The following TRPM3 variants were observed in gnomAD, a reference collection of about 807,000 sequenced individuals.
The protein encoded by TRPM3 is transient receptor potential cation channel subfamily M member 3, also known as long transient receptor potential channel 3.
A neutral mutation model predicts 181.2 loss-of-function variants in TRPM3; 77 were observed. That is an observed-to-expected ratio of 0.42 (90% CI 0.35 to 0.51). The LOEUF is 0.51. Among genes scored for constraint, TRPM3 ranks in the 20% least tolerant of loss-of-function variants. The probability of loss-of-function intolerance (pLI) is 0.01; values close to 1 mark genes in which losing one functional copy is unlikely to be tolerated. For synonymous variants in TRPM3, 745 were observed against 796.4 expected (o/e 0.94, Z 1.09); for missense variants, 1,759 against 2,196.7 (o/e 0.80, Z 3.98).
At position 70,533,342 on chromosome 9, in the gene TRPM3, C is replaced by T. The variant is rs190088479; in HGVS notation, c.*2611G>A. The T allele has an allele frequency of 2.0e-5, 3 of 152,278 alleles. No homozygotes were observed. The East Asian group carries it at 5.8e-4, about 29-fold the overall frequency. The allele number at this position is 152,278 out of a possible 1,614,324, so 9.4% of individuals were successfully genotyped here. On this transcript the variant is annotated 3_prime_UTR_variant, in exon 26 of 26. Coordinates refer to ENST00000677713, the MANE Select transcript of TRPM3 (RefSeq NM_001366145.2). ...TGTGCTTGATACTTAAAATCATCAA[C>T]ATGTTAGGATGTAAGTGCATTAAAT... is the stretch of plus-strand genomic sequence containing the variant.
chr9:71,299,455 GAAAA>G (rs201894251), intron 1 of TRPM3, among the ~76,000 whole-genome samples: 8 of 139,834 alleles, frequency 5.7e-5, no homozygotes, highest in African/African-American at 2.1e-4. Context: ...AAAGGAAAAA[GAAAA>G]AATAGGAAGT....
chr9:71,152,279 G>T (rs1462077277), intron 1 of TRPM3, among the ~76,000 whole-genome samples: 3 of 152,088 alleles, frequency 2.0e-5, no homozygotes, highest in Middle Eastern at 3.4e-3. Context: ...CACTTGAGAG[G>T]GTGTATGTTA....
chr9:70,905,708 C>T (rs1206916021), intron 1 of TRPM3, among the ~76,000 whole-genome samples: 3 of 151,994 alleles, frequency 2.0e-5, no homozygotes, highest in African/African-American at 7.2e-5. Flanking sequence ...TTATTATCCT[C>T]TGTCTGGGAT....
At chr9:71,221,500 A>T (rs1166956869) in intron 1 of TRPM3, among the ~76,000 whole-genome samples, 1 of 152,176 alleles carries the variant, frequency 6.6e-6, no homozygotes, top group African/African-American at 2.4e-5. Flanking sequence ...TAAAAAAAAT[A>T]ATTCTTTTTA....
At chr9:70,976,034 A>G (rs1418130643) in intron 1 of TRPM3, among the ~76,000 whole-genome samples, 14 of 152,080 alleles carry the variant, frequency 9.2e-5, no homozygotes, top group Non-Finnish European at 1.5e-5. Flanking sequence ...GAGAGAATTC[A>G]TGGGTAATCT....
intron 11 of TRPM3, 96 bp from the exon 12 acceptor site, chr9:70,635,357 A>AGG: frequency 1.0e-6 from 1 of 991,682 alleles, no homozygotes; most frequent in Non-Finnish European, 1.6e-6. Flanking sequence ...TGGCTGGTGG[A>AGG]GGGCAGTTCA....
chr9:70,930,440 TATC>T (rs2096764843), intron 1 of TRPM3, among the ~76,000 whole-genome samples: 1 of 152,182 alleles, frequency 6.6e-6, no homozygotes, highest in South Asian at 2.1e-4. Context: ...CACCTTTCAT[TATC>T]TTTTTCTTAC....
intron 14 of TRPM3, among the ~76,000 whole-genome samples, chr9:70,624,942 T>C (rs1589457211): frequency 6.6e-6 from 1 of 152,162 alleles, no homozygotes; most frequent in African/African-American, 2.4e-5. Context: ...AGAATTCCCA[T>C]AGATAAAAGC....
At chr9:70,744,464 C>A (rs1206529895) in intron 8 of TRPM3, among the ~76,000 whole-genome samples, 2 of 152,142 alleles carry the variant, frequency 1.3e-5, no homozygotes, top group Admixed American at 1.3e-4. Context: ...CATTGTTATG[C>A]AGCTCAAATG....
intron 6 of TRPM3, among the ~76,000 whole-genome samples, chr9:70,802,785 T>C (rs998698854): frequency 5.3e-5 from 8 of 152,182 alleles, no homozygotes; most frequent in Non-Finnish European, 1.2e-4. Context: ...GGGATTTCAC[T>C]GCACTAGTAA....
intron 6 of TRPM3, among the ~76,000 whole-genome samples, chr9:70,794,174 A>AG (rs151096342): frequency 0.082 from 12,403 of 151,986 alleles, 588 homozygotes; most frequent in East Asian, 0.11. Flanking sequence ...TAGTGTCAGG[A>AG]GGGGCTTCCT....
In TRPM3 at chr9:71,121,298, G is replaced by T. The variant is rs1314114272; in HGVS notation, c.57C>A (p.Phe19Leu). ...YFLGIAQVFS[F>L]LFSWWNLEGV... is the part of the protein sequence containing the mutation. ...CTTCCAAATTCCACCAGGAAAACAAGAAACTGAAAACCTGAGCAATGCCTA... is the reference window on the plus strand; with the variant it reads ...CTTCCAAATTCCACCAGGAAAACAATAAACTGAAAACCTGAGCAATGCCTA... Residue 19 changes from phenylalanine (F) to leucine (L), a missense_variant, in exon 1 of 26, where the codon TTC (phenylalanine) becomes TTA (leucine). Around this residue, in one of 8 missense-constraint regions of TRPM3, gnomAD observed 737 missense variants for 957.4 expected, o/e 0.77. Transcript: ENST00000677713. 6.2e-7 allele frequency: 1 copy of T among 1,614,060 alleles called. No individual in the cohort carries two copies. Among genetic ancestry groups the T allele is most frequent in the Non-Finnish European group, 8.5e-7 (1 of 1,179,994 alleles).
chr9:70,616,379 T>G (rs1406318580), intron 17 of TRPM3, among the ~76,000 whole-genome samples: 1 of 152,110 alleles, frequency 6.6e-6, no homozygotes, highest in East Asian at 1.9e-4. Flanking sequence ...TAACACCCAC[T>G]TTGCATGTGG....
intron 1 of TRPM3, among the ~76,000 whole-genome samples, chr9:71,262,927 T>C (rs868626211): frequency 6.6e-6 from 1 of 152,192 alleles, no homozygotes; most frequent in Non-Finnish European, 1.5e-5. Context: ...TTGGTCTCAC[T>C]GGGAGCTGCA....
At chr9:71,297,919 G>A (rs2086427520) in intron 1 of TRPM3, among the ~76,000 whole-genome samples, 1 of 152,164 alleles carries the variant, frequency 6.6e-6, no homozygotes, top group Non-Finnish European at 1.5e-5. Flanking sequence ...AATAAAAGGT[G>A]AACGGCTCAT....
intron 22 of TRPM3, among the ~76,000 whole-genome samples, chr9:70,590,719 C>A (rs1337297312): frequency 6.6e-6 from 1 of 151,814 alleles, no homozygotes; most frequent in Non-Finnish European, 1.5e-5. Flanking sequence ...ATATTCAACA[C>A]ATGGCCCTGG....
chr9:71,266,356 C>T (rs2132101569), intron 1 of TRPM3, among the ~76,000 whole-genome samples: 1 of 152,204 alleles, frequency 6.6e-6, no homozygotes. Flanking sequence ...AAAAGGTCTA[C>T]CTTTGATGCT....
intron 1 of TRPM3, among the ~76,000 whole-genome samples, chr9:71,006,908 G>A (rs1377406998): frequency 9.4e-5 from 14 of 149,272 alleles, no homozygotes; most frequent in Admixed American, 3.3e-4. Flanking sequence ...GTGTGGTGGC[G>A]CATGCCTGTA....
intron 1 of TRPM3, among the ~76,000 whole-genome samples, chr9:71,418,129 A>G (rs1035963343): frequency 2.0e-5 from 3 of 151,996 alleles, no homozygotes; most frequent in African/African-American, 7.2e-5. Flanking sequence ...AGTCAGCAGC[A>G]TGATGAAACA....
Sources: allele counts gnomAD v4.1 joint callset (sites outside exome capture counted in the v4.1 genomes callset), GRCh38; gene constraint gnomAD v4.1.1; regional missense constraint gnomAD v4.1.1; transcripts MANE v1.5; gene names NCBI Gene and HGNC (gene_info 2026-07-23, HGNC 2026-07-21).